Variants in SYT2 observed in about 807,000 individuals in gnomAD.
SYT2 encodes the protein synaptotagmin-2.
Under a neutral mutation model 39.9 loss-of-function variants are expected in SYT2, and 15 were observed. The observed-to-expected ratio is 0.38, with a 90% CI of 0.25 to 0.58. The LOEUF is 0.58. SYT2 is among the 20% of genes least tolerant of loss of function. The pLI is 0.70. For missense variants in SYT2, 389 were observed against 530.3 expected (o/e 0.73, Z 2.62); for synonymous variants, 181 against 204.5 (o/e 0.89, Z 0.98).
Position 202,619,197 on chromosome 1 carries a change from G to C in SYT2, c.-17-13408C>G, listed in dbSNP as rs1318979033. Among the ~76,000 whole-genome samples the C allele has an allele frequency of 2.0e-5, 3 of 152,336 alleles. No homozygotes were observed. In the East Asian group the frequency reaches 5.8e-4, roughly 29 times the overall value. On this transcript the variant is annotated intron_variant, in intron 1 of 8. Coordinates refer to ENST00000367268, the MANE Select transcript of SYT2 (RefSeq NM_177402.5). ...AGCTGCCTCGCCTCCCGCATGGCTG[G>C]GAGCTGCAGTCCCGGGGAGAGCAGC...
chr1:202,640,702 T>C (rs925345444), intron 1 of SYT2, among the ~76,000 whole-genome samples: 3 of 147,258 alleles, frequency 2.0e-5, no homozygotes, highest in Admixed American at 1.4e-4. Flanking sequence ...CTGTTTCCCA[T>C]GAAGTTTCTA....
rs550769420 is a variant in SYT2 at position 202,671,364 on chromosome 1, AT to A, written c.-18+38893del. On this transcript the variant is annotated intron_variant, in intron 1 of 8. Transcript: ENST00000367268. Reference sequence around the variant, plus strand: ...ACAGCACCAGGGCAGCCAACTGTGCATGGGCCAAGGCGGAGAGACCCATTTT... The same window carrying A: ...ACAGCACCAGGGCAGCCAACTGTGCAGGGCCAAGGCGGAGAGACCCATTTT... Among the ~76,000 whole-genome samples, 434 of 152,356 alleles carry A rather than the reference AT, an allele frequency of 2.8e-3. 3 individuals are homozygous for A. The highest frequency in any genetic ancestry group is 0.01 in the African/African-American group (418 of 41,580).
chr1:202,659,242 C>G (rs1442446968), intron 1 of SYT2, among the ~76,000 whole-genome samples: 3 of 152,198 alleles, frequency 2.0e-5, no homozygotes, highest in African/African-American at 7.2e-5. Flanking sequence ...TGTCCGTGTT[C>G]TTCTGATCTT....
At chr1:202,670,328 G>A (rs796279356) in intron 1 of SYT2, among the ~76,000 whole-genome samples, 22 of 152,302 alleles carry the variant, frequency 1.4e-4, no homozygotes, top group African/African-American at 5.1e-4. Flanking sequence ...CAGGATCATA[G>A]AGAAGTGGGA....
intron 1 of SYT2, among the ~76,000 whole-genome samples, chr1:202,706,971 C>T (rs1353071745): frequency 2.0e-5 from 3 of 152,154 alleles, no homozygotes; most frequent in East Asian, 1.9e-4. Flanking sequence ...TACATGCTCT[C>T]GAAGCTTCCT....
At position 202,641,507 on chromosome 1, in the gene SYT2, CT is replaced by C. The variant is rs763799084; in HGVS notation, c.-17-35719del. On this transcript the variant is annotated intron_variant, in intron 1 of 8. Transcript: ENST00000367268. Reference sequence around the variant, plus strand: ...GAGCCTGTAAATTAAACTCAGCTCTCTTGTCTCAAACTGGGACTCGTCCGCA... The same window carrying C: ...GAGCCTGTAAATTAAACTCAGCTCTCTGTCTCAAACTGGGACTCGTCCGCA... Among the ~76,000 whole-genome samples the C allele has an allele frequency of 5.9e-5, 9 of 152,330 alleles. No homozygotes were observed. The East Asian group carries it at 1.5e-3, about 26-fold the overall frequency.
At chr1:202,669,362 A>T (rs1447609098) in intron 1 of SYT2, among the ~76,000 whole-genome samples, 1 of 151,682 alleles carries the variant, frequency 6.6e-6, no homozygotes, top group Non-Finnish European at 1.5e-5. Context: ...GTACAAAAAA[A>T]TAATTTAGGC....
intron 1 of SYT2, among the ~76,000 whole-genome samples, chr1:202,668,022 A>G (rs1358942310): frequency 6.6e-6 from 1 of 152,124 alleles, no homozygotes; most frequent in Non-Finnish European, 1.5e-5. Context: ...AGATATTTTC[A>G]GGCAATCCTC....
chr1:202,634,321 C>A, intron 1 of SYT2, among the ~76,000 whole-genome samples: 1 of 152,102 alleles, frequency 6.6e-6, no homozygotes, highest in Non-Finnish European at 1.5e-5. Context: ...AGTTCGAGAC[C>A]AGCCTGACCA....
chr1:202,694,255 G>C (rs114117442), intron 1 of SYT2, among the ~76,000 whole-genome samples: 60 of 152,268 alleles, frequency 3.9e-4, no homozygotes, highest in Non-Finnish European at 6.2e-4. Flanking sequence ...ATTTGTGTTA[G>C]AAAAAAGGAG....
intron 1 of SYT2, among the ~76,000 whole-genome samples, chr1:202,607,996 C>T (rs375011596): frequency 2.0e-5 from 3 of 152,150 alleles, no homozygotes; most frequent in Non-Finnish European, 4.4e-5. Context: ...TTAGCATAAC[C>T]TAAGTTAGAA....
At chr1:202,641,384 G>A (rs1309775022) in intron 1 of SYT2, among the ~76,000 whole-genome samples, 1 of 152,186 alleles carries the variant, frequency 6.6e-6, no homozygotes, top group East Asian at 1.9e-4. Context: ...GGTTGCAAGG[G>A]CCTGAGAAGT....
At chr1:202,694,637 G>A (rs1355854737) in intron 1 of SYT2, among the ~76,000 whole-genome samples, 3 of 152,056 alleles carry the variant, frequency 2.0e-5, no homozygotes, top group African/African-American at 7.2e-5. Context: ...GATAAAGGAA[G>A]GGGTTCCGCC....
intron 1 of SYT2, among the ~76,000 whole-genome samples, chr1:202,666,152 CAAAAA>C (rs56942389): frequency 2.9e-5 from 3 of 102,940 alleles, no homozygotes; most frequent in African/African-American, 4.0e-5. Context: ...GACTCCGTCT[CAAAAA>C]AAAAAAAAAA....
At chr1:202,611,597 C>G (rs574446909) in intron 1 of SYT2, among the ~76,000 whole-genome samples, 1 of 152,304 alleles carries the variant, frequency 6.6e-6, no homozygotes, top group South Asian at 2.1e-4. Flanking sequence ...CTCAGTTGAT[C>G]TGGCCTCCTC....
At chr1:202,650,375 G>A (rs977091475) in intron 1 of SYT2, among the ~76,000 whole-genome samples, 16 of 151,992 alleles carry the variant, frequency 1.1e-4, no homozygotes, top group African/African-American at 1.9e-4. Context: ...CATAGCCTAC[G>A]TGTACGTCTC....
chr1:202,602,457 G>T lies in SYT2; in HGVS notation c.554C>A (p.Pro185His). ...GGTCTCATATTTCTTCTTCTTGTCAGGAAGGAGGAAGACCTTGACATAAGG... is the reference window on the plus strand; with the variant it reads ...GGTCTCATATTTCTTCTTCTTGTCATGAAGGAGGAAGACCTTGACATAAGG... ...SDPYVKVFLL[P>H]DKKKKYETKV... Residue 185 changes from proline (P) to histidine (H), a missense_variant, in exon 5 of 9, where the codon CCT (proline) becomes CAT (histidine). By Grantham distance (77) the Pro-to-His change is moderately conservative. Coordinates refer to ENST00000367268, the MANE Select transcript of SYT2 (RefSeq NM_177402.5). The T allele has an allele frequency of 6.2e-7, 1 of 1,614,142 alleles. No individual in the cohort carries two copies. The highest frequency in any genetic ancestry group is 8.5e-7 in the Non-Finnish European group (1 of 1,179,988).
chr1:202,608,156 T>C (rs1466856081), intron 1 of SYT2, among the ~76,000 whole-genome samples: 2 of 152,224 alleles, frequency 1.3e-5, no homozygotes, highest in Non-Finnish European at 2.9e-5. Context: ...TTATAAAATA[T>C]GTGGTCTTTG....
At chr1:202,702,033 T>C (rs1444503305) in intron 1 of SYT2, among the ~76,000 whole-genome samples, 2 of 152,148 alleles carry the variant, frequency 1.3e-5, no homozygotes, top group Non-Finnish European at 2.9e-5. Context: ...CCCTTCCCCA[T>C]TGCCTCACCT....
Sources: allele counts gnomAD v4.1 joint callset (sites outside exome capture counted in the v4.1 genomes callset), GRCh38; gene constraint gnomAD v4.1.1; transcripts MANE v1.5; gene names NCBI Gene and HGNC (gene_info 2026-07-23, HGNC 2026-07-21).